ERCC6L2: variants seen among roughly 807,000 people sequenced by gnomAD.
The protein encoded by ERCC6L2 is ERCC excision repair 6 like 2, also known as DNA excision repair protein ERCC-6-like 2.
ERCC6L2 carries 77 observed loss-of-function variants against 132.0 expected under a neutral mutation model. The ratio of observed to expected loss-of-function variants is 0.58; its 90% CI spans 0.49 to 0.71. ERCC6L2 has a LOEUF of 0.71. ERCC6L2 is among the 30% of genes least tolerant of loss of function. The probability of loss-of-function intolerance (pLI) is 0.00; values close to 1 mark genes in which losing one functional copy is unlikely to be tolerated. For synonymous variants in ERCC6L2, 583 were observed against 632.4 expected (o/e 0.92, Z 1.17); for missense variants, 1,542 against 1,837.6 (o/e 0.84, Z 2.94).
chr9:96,027,009 TAC>T (rs1834383936), intron 19 of ERCC6L2, among the ~76,000 whole-genome samples: 1 of 72,040 alleles, frequency 1.4e-5, no homozygotes. Context: ...ACACACACAC[TAC>T]ACACACCACA....
At chr9:95,956,401 A>G (rs1304833694) in intron 13 of ERCC6L2, among the ~76,000 whole-genome samples, 1 of 152,150 alleles carries the variant, frequency 6.6e-6, no homozygotes, top group Non-Finnish European at 1.5e-5. Context: ...TTACAGGCCA[A>G]GATGTAATGG....
chr9:95,982,711 G>A lies in ERCC6L2; in HGVS notation c.3492+4496G>A, dbSNP rs950117511. On this transcript the variant is annotated intron_variant, in intron 17 of 18. Transcript: ENST00000653738. Reference sequence around the variant, plus strand: ...TAGAAATCAAGATTTTAAAATATGTGTATATATATATATGAAATTATGTGA... The same window carrying A: ...TAGAAATCAAGATTTTAAAATATGTATATATATATATATGAAATTATGTGA... 1.7e-3 allele frequency among the ~76,000 whole-genome samples: 251 copies of A among 151,414 alleles called. 1 individual carries two copies. The highest frequency in any genetic ancestry group is 5.8e-3 in the African/African-American group (238 of 41,278).
chr9:95,949,571 AC>A (rs60963602), intron 12 of ERCC6L2, among the ~76,000 whole-genome samples: 2,914 of 152,038 alleles, frequency 0.019, 99 homozygotes, highest in African/African-American at 0.068. Context: ...GGAAAAAAAA[AC>A]AAACAAACTG....
intron 16 of ERCC6L2, 56 bp from the exon 17 acceptor site, chr9:95,978,005 G>T: frequency 8.9e-7 from 1 of 1,119,308 alleles, no homozygotes; most frequent in Non-Finnish European, 1.2e-6. Flanking sequence ...GTGTTTTTAT[G>T]GAACCATATT....
intron 11 of ERCC6L2, among the ~76,000 whole-genome samples, chr9:95,929,899 T>TA (rs1416311548): frequency 6.6e-6 from 1 of 152,204 alleles, no homozygotes; most frequent in East Asian, 1.9e-4. Context: ...AGTAGTCTCT[T>TA]ATCCTTCTTC....
chr9:95,876,112 C>CA, intron 1 of ERCC6L2, 28 bp downstream of exon 1: 1 of 1,553,054 alleles, frequency 6.4e-7, no homozygotes, highest in Non-Finnish European at 8.7e-7. Flanking sequence ...GCCCCTTACG[C>CA]AGAGGCCTGT....
At chr9:95,896,086 T>G (rs997933676) in intron 2 of ERCC6L2, among the ~76,000 whole-genome samples, 4 of 152,168 alleles carry the variant, frequency 2.6e-5, no homozygotes, top group African/African-American at 7.2e-5. Flanking sequence ...ACATATATAT[T>G]TTGTATATAT....
chr9:95,953,637 A>G (rs768811204), intron 12 of ERCC6L2, among the ~76,000 whole-genome samples: 6 of 152,022 alleles, frequency 3.9e-5, no homozygotes, highest in Non-Finnish European at 7.4e-5. Context: ...GCTAATTTCA[A>G]TTTTTAAATT....
intron 12 of ERCC6L2, among the ~76,000 whole-genome samples, chr9:95,951,289 C>T (rs926313388): frequency 3.3e-5 from 5 of 152,102 alleles, no homozygotes; most frequent in Non-Finnish European, 5.9e-5. Context: ...CACACCACAA[C>T]TTACAGGATG....
At chr9:96,020,659 TG>T, downstream of ERCC6L2, 1 of 404,350 alleles carries the variant, frequency 2.5e-6, no homozygotes. Context: ...CTGCAGATGA[TG>T]GAATGCCCTC....
At chr9:95,923,407 C>T (rs763660746) in intron 9 of ERCC6L2, 28 bp downstream of exon 9, 87 of 1,609,956 alleles carry the variant, frequency 5.4e-5, no homozygotes, top group Non-Finnish European at 7.3e-5. Context: ...AGGTTGCATA[C>T]AGACATGATA....
At chr9:95,976,618 C>T (rs1413158906) in intron 16 of ERCC6L2, among the ~76,000 whole-genome samples, 1 of 152,136 alleles carries the variant, frequency 6.6e-6, no homozygotes, top group Non-Finnish European at 1.5e-5. Flanking sequence ...CCTGCTTGTA[C>T]TTTAGGTGTC....
intron 2 of ERCC6L2, among the ~76,000 whole-genome samples, chr9:95,890,397 T>C (rs1239011394): frequency 2.0e-5 from 3 of 152,202 alleles, no homozygotes; most frequent in Non-Finnish European, 2.9e-5. Flanking sequence ...TTAAAATTTA[T>C]AGAAAGTTTA....
At position 95,881,229 on chromosome 9, in the gene ERCC6L2, G is replaced by A. The variant is rs61740729; in HGVS notation, c.407G>A (p.Gly136Glu). Residue 136 changes from glycine (G) to glutamate (E), a missense_variant, in exon 2 of 19, where the codon GGA becomes GAA. Around this residue, in one of 4 missense-constraint regions of ERCC6L2, gnomAD observed 945 missense variants for 1,105.2 expected, o/e 0.86. Transcript: ENST00000653738. ...YQREGTRFLY[G>E]HYIHGGGCIL... ...AGAGAAGGAACCCGGTTTCTTTATG[G>A]ACACTACATCCATGGAGGAGGGTGC... 1,243 of 1,602,234 alleles carry A rather than the reference G, an allele frequency of 7.8e-4. 13 individuals are homozygous for A. In the African/African-American group the frequency reaches 0.015, roughly 19 times the overall value.
intron 3 of ERCC6L2, among the ~76,000 whole-genome samples, chr9:95,899,761 T>C (rs1828673025): frequency 6.6e-6 from 1 of 151,826 alleles, no homozygotes; most frequent in African/African-American, 2.4e-5. Context: ...GTCCTTGATA[T>C]AAAATAGTGT....
rs768120288 is a variant in ERCC6L2 at position 95,921,175 on chromosome 9, A to T, written c.1159A>T (p.Met387Leu). The T allele has an allele frequency of 1.2e-6, 2 of 1,604,760 alleles. No individual in the cohort carries two copies. Among genetic ancestry groups the T allele is most frequent in the South Asian group, 2.2e-5 (2 of 89,108 alleles). ...KDQLPKKEDR[M>L]VYCSLTDFQK... is the part of the protein sequence containing the mutation. ...ACTACCTTGTATTTTATCTTGGCAG[A>T]TGGTGTATTGTTCTTTGACAGATTT... The change falls in exon 7 of 19, where the codon ATG (methionine) becomes TTG (leucine). Residue 387 changes from methionine (M) to leucine (L), a missense_variant and splice_region_variant. Met to Leu is a conservative substitution (Grantham distance 15, BLOSUM62 2). Around this residue, in one of 4 missense-constraint regions of ERCC6L2, gnomAD observed 945 missense variants for 1,105.2 expected, o/e 0.86. Transcript: ENST00000653738.
chr9:95,899,718 C>A (rs1828670938), intron 3 of ERCC6L2, among the ~76,000 whole-genome samples: 1 of 151,772 alleles, frequency 6.6e-6, no homozygotes, highest in Non-Finnish European at 1.5e-5. Context: ...GTTCCAGGAC[C>A]TCTCTTGGGT....
In ERCC6L2 at chr9:96,040,158, C is replaced by A. The variant is rs686604; in HGVS notation, c.*1755+1031C>A. Reference sequence around the variant, plus strand: ...CTCCAAGAAACACAGTCCTGCCCCCCCCCAAGCACCCCCACAATAGCTCTT... The same window carrying A: ...CTCCAAGAAACACAGTCCTGCCCCCACCCAAGCACCCCCACAATAGCTCTT... On this transcript the variant is annotated intron_variant and NMD_transcript_variant, in intron 20 of 20. Transcript: ENST00000670016. 1.6e-3 allele frequency among the ~76,000 whole-genome samples: 243 copies of A among 151,300 alleles called. 1 individual carries two copies. The highest frequency in any genetic ancestry group is 5.3e-3 in the African/African-American group (220 of 41,248).
At chr9:95,935,992 A>ATGGG (rs1830535144) in intron 11 of ERCC6L2, among the ~76,000 whole-genome samples, 1 of 152,164 alleles carries the variant, frequency 6.6e-6, no homozygotes, top group Non-Finnish European at 1.5e-5. Context: ...GAGAATGGGC[A>ATGGG]TGGGTGTAAG....
Sources: gnomAD v4.1 joint callset for allele counts (sites outside exome capture counted in the v4.1 genomes callset) on GRCh38, gnomAD v4.1.1 for gene constraint, gnomAD v4.1.1 regional missense constraint, MANE v1.5 for transcripts, NCBI Gene and HGNC (gene_info 2026-07-23, HGNC 2026-07-21) for gene names.